Variants in ARHGAP40 observed in about 807,000 individuals in gnomAD.
ARHGAP40 encodes rho GTPase-activating protein 40.
A neutral mutation model predicts 73.5 loss-of-function variants in ARHGAP40; 43 were observed. That is an observed-to-expected ratio of 0.58 (90% CI 0.46 to 0.75). The LOEUF (loss-of-function observed/expected upper bound fraction) is 0.75. ARHGAP40 is among the 30% of genes least tolerant of loss of function. The probability of loss-of-function intolerance (pLI) is 0.00; values close to 1 mark genes in which losing one functional copy is unlikely to be tolerated. For missense variants in ARHGAP40, 734 were observed against 861.8 expected (o/e 0.85, Z 1.86); for synonymous variants, 300 against 352.8 (o/e 0.85, Z 1.68).
chr20:38,639,094 C>A, intron 8 of ARHGAP40, 133 bp from the exon 9 acceptor site: 1 of 995,378 alleles, frequency 1.0e-6, no homozygotes, highest in Non-Finnish European at 1.4e-6. Flanking sequence ...TTCGTCCTTA[C>A]TTCAACCCCA....
intron 2 of ARHGAP40, among the ~76,000 whole-genome samples, chr20:38,625,186 G>T (rs1311487934): frequency 6.6e-6 from 1 of 152,212 alleles, no homozygotes; most frequent in Middle Eastern, 3.2e-3. Context: ...CACTAGAAGT[G>T]GTTTCAGGAG....
exon 15 of ARHGAP40, chr20:38,650,179 CT>C (rs2089080790): frequency 5.3e-5 from 20 of 374,682 alleles, no homozygotes; most frequent in South Asian, 3.9e-4. Flanking sequence ...CCCCTCCACC[CT>C]CCAGCCCTCC....
intron 9 of ARHGAP40, among the ~76,000 whole-genome samples, chr20:38,640,218 C>CTTTTT (rs1332037073): frequency 1.1e-5 from 1 of 91,116 alleles, no homozygotes; most frequent in African/African-American, 3.8e-5. Context: ...TTCTTTCTTT[C>CTTTTT]TTTTTTTTTT....
chr20:38,610,694 C>T (rs537601837), intron 1 of ARHGAP40, among the ~76,000 whole-genome samples: 30 of 152,038 alleles, frequency 2.0e-4, no homozygotes, highest in South Asian at 4.1e-4. Flanking sequence ...AGTGAAGCTT[C>T]GTCTAAAAAT....
chr20:38,634,845 C>T (rs1351961956), intron 6 of ARHGAP40, 60 bp downstream of exon 6: 6 of 1,194,454 alleles, frequency 5.0e-6, no homozygotes, highest in East Asian at 1.2e-4. Context: ...GAGCTGAACA[C>T]GGACTCTCCC....
chr20:38,635,674 A>G lies in ARHGAP40; in HGVS notation c.949+889A>G, dbSNP rs893457647. ...ACAGACTCTGTCTCATTCTATATAT[A>G]TAGAACTATGAGACCCTGTTTCATA... On this transcript the variant is annotated intron_variant, in intron 6 of 14. Coordinates refer to ENST00000373345, the Ensembl canonical transcript of ARHGAP40. Among the ~76,000 whole-genome samples the G allele has an allele frequency of 3.3e-5, 5 of 152,104 alleles. No homozygotes were observed. In the East Asian group the frequency reaches 9.6e-4, roughly 29 times the overall value.
intron 1 of ARHGAP40, among the ~76,000 whole-genome samples, chr20:38,609,618 T>A (rs2145593485): frequency 6.6e-6 from 1 of 152,254 alleles, no homozygotes; most frequent in Non-Finnish European, 1.5e-5. Flanking sequence ...CCAACGCCTC[T>A]AGGAGGGCTG....
At chr20:38,619,238 C>T (rs1206332593) in intron 1 of ARHGAP40, among the ~76,000 whole-genome samples, 1 of 152,142 alleles carries the variant, frequency 6.6e-6, no homozygotes, top group Non-Finnish European at 1.5e-5. Context: ...ATTTTATCCT[C>T]AGGGTCCTGG....
chr20:38,612,998 C>T (rs1032549033), intron 1 of ARHGAP40, among the ~76,000 whole-genome samples: 5 of 152,260 alleles, frequency 3.3e-5, no homozygotes, highest in Non-Finnish European at 7.3e-5. Context: ...TTTTAAGAGG[C>T]AGCCACCACT....
chr20:38,627,621 G>GTGTA (rs113196336), intron 3 of ARHGAP40, among the ~76,000 whole-genome samples: 44,011 of 137,942 alleles, frequency 0.32, 7,613 homozygotes, highest in African/African-American at 0.47. Flanking sequence ...GTGTGTTGGT[G>GTGTA]TGTGTGTGTT....
exon 8 of ARHGAP40, chr20:38,638,814 G>A: frequency 7.7e-7 from 1 of 1,305,430 alleles, no homozygotes; most frequent in Non-Finnish European, 1.0e-6. Context: ...TTCTCAGGGT[G>A]CCCGGATCCC....
chr20:38,646,239 G>T lies in ARHGAP40; in HGVS notation c.1710+52G>T, dbSNP rs752362782. On this transcript the variant is annotated intron_variant, in intron 12 of 14. Transcript: ENST00000373345. The surrounding 1 kb of genome is among the most constrained non-coding windows in gnomAD (Gnocchi z 4.5). ...GGAGAAGGGCCGAGGCGACAGGAGGGCACCTGGGGCGCGGTGCTTCCCTTC... is the reference window on the plus strand; with the variant it reads ...GGAGAAGGGCCGAGGCGACAGGAGGTCACCTGGGGCGCGGTGCTTCCCTTC... 2 of 1,245,472 alleles carry T rather than the reference G, an allele frequency of 1.6e-6. No individual in the cohort carries two copies. The highest frequency in any genetic ancestry group is 3.1e-5 in the African/African-American group (2 of 64,232). 77.2% of individuals were successfully genotyped at this position (1,245,472 alleles called of 1,614,324 possible).
At chr20:38,649,761 G>A (rs1434725844) in exon 15 of ARHGAP40, 3 of 1,304,950 alleles carry the variant, frequency 2.3e-6, no homozygotes, top group South Asian at 2.5e-5. Context: ...CCACAGATGA[G>A]CATCGCCTGG....
At chr20:38,603,710 C>G (rs1253392492) in intron 1 of ARHGAP40, among the ~76,000 whole-genome samples, 1 of 152,146 alleles carries the variant, frequency 6.6e-6, no homozygotes, top group African/African-American at 2.4e-5. Flanking sequence ...CTGGAAATCC[C>G]CAAATCGAGG....
chr20:38,613,726 A>G (rs2088817292), intron 1 of ARHGAP40, among the ~76,000 whole-genome samples: 1 of 152,238 alleles, frequency 6.6e-6, no homozygotes, highest in Admixed American at 6.5e-5. Context: ...CTCTCAGCCC[A>G]GGCTCCTGTG....
intron 1 of ARHGAP40, among the ~76,000 whole-genome samples, chr20:38,607,224 A>C (rs2088775946): frequency 6.6e-6 from 1 of 152,188 alleles, no homozygotes; most frequent in African/African-American, 2.4e-5. Flanking sequence ...AAAAATTTGC[A>C]TTTGAGTCCT....
intron 1 of ARHGAP40, among the ~76,000 whole-genome samples, chr20:38,618,495 G>A (rs923089360): frequency 6.6e-6 from 1 of 152,186 alleles, no homozygotes; most frequent in Non-Finnish European, 1.5e-5. Context: ...TTAGCGATTC[G>A]ATGGGTAAGG....
intron 1 of ARHGAP40, among the ~76,000 whole-genome samples, chr20:38,614,074 G>T (rs1203471292): frequency 6.6e-6 from 1 of 152,154 alleles, no homozygotes; most frequent in African/African-American, 2.4e-5. Context: ...GGGTTGCTTC[G>T]TAGATGTGAG....
chr20:38,643,554 A>G, intron 10 of ARHGAP40, 150 bp from the exon 11 acceptor site: 1 of 494,152 alleles, frequency 2.0e-6, no homozygotes, highest in Non-Finnish European at 3.5e-6. Context: ...TGGGCCGGTG[A>G]CACAGCTGGA....
Sources: gnomAD v4.1 joint callset for allele counts (sites outside exome capture counted in the v4.1 genomes callset) on GRCh38, gnomAD v4.1.1 for gene constraint, Gnocchi (gnomAD v3.1) non-coding constraint, MANE v1.5 for transcripts, NCBI Gene and HGNC (gene_info 2026-07-23, HGNC 2026-07-21) for gene names.